IL1RAP: variants seen among roughly 807,000 people sequenced by gnomAD.
IL1RAP encodes the protein interleukin 1 receptor accessory protein, also known as interleukin-1 receptor accessory protein.
A neutral mutation model predicts 60.7 loss-of-function variants in IL1RAP; 35 were observed. That is an observed-to-expected ratio of 0.58 (90% CI 0.44 to 0.76). IL1RAP has a LOEUF of 0.76. IL1RAP is among the 30% of genes least tolerant of loss of function. IL1RAP has a pLI of 0.00. For synonymous variants in IL1RAP, 268 were observed against 250.9 expected (o/e 1.07, Z -0.64); for missense variants, 572 against 693.9 (o/e 0.82, Z 1.97).
downstream of IL1RAP, chr3:190,655,850 T>A (rs1734601641): frequency 1.4e-6 from 2 of 1,442,788 alleles, no homozygotes; most frequent in African/African-American, 1.4e-5. Context: ...ATATGTAAGT[T>A]TTCACTATAC....
At chr3:190,655,762 TTCAGCAC>T, downstream of IL1RAP, 1 of 700,130 alleles carries the variant, frequency 1.4e-6, no homozygotes, top group Non-Finnish European at 2.3e-6. Context: ...GGGTAAATTA[TTCAGCAC>T]TGAGATTCTG....
intron 1 of IL1RAP, among the ~76,000 whole-genome samples, chr3:190,524,188 A>G (rs1228814865): frequency 6.6e-6 from 1 of 151,850 alleles, no homozygotes; most frequent in Non-Finnish European, 1.5e-5. Flanking sequence ...TCCTTTGCTC[A>G]TTTTTTCTAA....
chr3:190,598,827 A>G (rs1341977540), intron 3 of IL1RAP, among the ~76,000 whole-genome samples: 1 of 152,008 alleles, frequency 6.6e-6, no homozygotes, highest in Non-Finnish European at 1.5e-5. Context: ...TATCCCTTCT[A>G]CCCATTCTTC....
chr3:190,573,710 GC>G (rs1463838165), intron 3 of IL1RAP, among the ~76,000 whole-genome samples: 2 of 152,136 alleles, frequency 1.3e-5, no homozygotes, highest in Non-Finnish European at 2.9e-5. Context: ...TAGCCATGAA[GC>G]ATTTTACAGT....
intron 1 of IL1RAP, among the ~76,000 whole-genome samples, chr3:190,553,221 C>G (rs950822431): frequency 1.1e-4 from 17 of 152,170 alleles, no homozygotes; most frequent in Admixed American, 9.8e-4. Context: ...ACAGACCATA[C>G]AGAAAGACTG....
intron 3 of IL1RAP, among the ~76,000 whole-genome samples, chr3:190,577,420 T>C (rs1727589648): frequency 6.6e-6 from 1 of 152,200 alleles, no homozygotes; most frequent in Admixed American, 6.5e-5. Flanking sequence ...TAAGAGTTTT[T>C]ACCACATGAA....
At chr3:190,637,862 T>C (rs13071108) in intron 9 of IL1RAP, among the ~76,000 whole-genome samples, 42,507 of 151,792 alleles carry the variant, frequency 0.28, 6,138 homozygotes, top group African/African-American at 0.3. Context: ...TAGAACTCTG[T>C]GTATGTGGAC....
At position 190,549,156 on chromosome 3, in the gene IL1RAP, C is replaced by T. The variant is rs368555273; in HGVS notation, c.-88-6974C>T. ...GCAAGAGTCCTGTTAGGAGGCTTCCCGCCTCACAGATTGAACCCCTGGTTC... is the reference window on the plus strand; with the variant it reads ...GCAAGAGTCCTGTTAGGAGGCTTCCTGCCTCACAGATTGAACCCCTGGTTC... On this transcript the variant is annotated intron_variant, in intron 1 of 11. Coordinates refer to ENST00000447382, the MANE Select transcript of IL1RAP (RefSeq NM_002182.4). Among the ~76,000 whole-genome samples the T allele has an allele frequency of 1.1e-4, 16 of 152,074 alleles. No homozygotes were observed. The East Asian group carries it at 2.5e-3, about 24-fold the overall frequency.
chr3:190,601,173 T>C (rs1024057258), intron 3 of IL1RAP, among the ~76,000 whole-genome samples: 1 of 152,046 alleles, frequency 6.6e-6, no homozygotes, highest in Non-Finnish European at 1.5e-5. Context: ...TTAGTAGAGA[T>C]GGAGTTTCGC....
intron 3 of IL1RAP, among the ~76,000 whole-genome samples, chr3:190,565,635 A>G (rs1726317756): frequency 6.6e-6 from 1 of 152,202 alleles, no homozygotes; most frequent in Admixed American, 6.5e-5. Context: ...GAATGGCTGT[A>G]GATAACCGGA....
intron 3 of IL1RAP, among the ~76,000 whole-genome samples, chr3:190,592,676 G>A (rs1729046699): frequency 6.6e-6 from 1 of 152,148 alleles, no homozygotes; most frequent in Admixed American, 6.5e-5. Flanking sequence ...ACTGCTCGGA[G>A]GTGCTAAAAT....
At position 190,574,906 on chromosome 3, in the gene IL1RAP, G is replaced by T. The variant is rs373343443; in HGVS notation, c.64+10553G>T. On this transcript the variant is annotated intron_variant, in intron 3 of 11. Coordinates refer to ENST00000447382, the MANE Select transcript of IL1RAP (RefSeq NM_002182.4). Reference sequence around the variant, plus strand: ...TTAACCAATCCATATTCATACACAGGTAAGCTATTCCACTTACTGCAAACT... The same window carrying T: ...TTAACCAATCCATATTCATACACAGTTAAGCTATTCCACTTACTGCAAACT... Among the ~76,000 whole-genome samples, 4 of 152,246 alleles carry T rather than the reference G, an allele frequency of 2.6e-5. No homozygotes were observed. The East Asian group carries it at 7.7e-4, about 29-fold the overall frequency.
chr3:190,578,706 A>C (rs1410792878), intron 3 of IL1RAP, among the ~76,000 whole-genome samples: 1 of 152,210 alleles, frequency 6.6e-6, no homozygotes, highest in Non-Finnish European at 1.5e-5. Context: ...GGTCATTTAT[A>C]AAGCAAGAGA....
At chr3:190,604,455 T>C in intron 4 of IL1RAP, 42 bp downstream of exon 4, 1 of 1,587,026 alleles carries the variant, frequency 6.3e-7, no homozygotes, top group South Asian at 1.1e-5. Flanking sequence ...TTCCCTTTAG[T>C]TTCTGGGCTC....
chr3:190,544,470 T>C (rs369778568), intron 1 of IL1RAP, among the ~76,000 whole-genome samples: 3 of 152,162 alleles, frequency 2.0e-5, no homozygotes, highest in African/African-American at 7.2e-5. Context: ...AATTAGAAAA[T>C]TGATTTGAAT....
chr3:190,532,817 C>T (rs1445263780), intron 1 of IL1RAP, among the ~76,000 whole-genome samples: 1 of 152,206 alleles, frequency 6.6e-6, no homozygotes, highest in Non-Finnish European at 1.5e-5. Flanking sequence ...TCCCTAGAAG[C>T]TCAGCTTGGA....
chr3:190,653,914 G>T (rs1210972428), downstream of IL1RAP, among the ~76,000 whole-genome samples: 1 of 152,028 alleles, frequency 6.6e-6, no homozygotes, highest in Admixed American at 6.6e-5. Flanking sequence ...AGATCCTTCG[G>T]TATAGCCCAG....
At chr3:190,613,580 A>C (rs1731006539) in intron 5 of IL1RAP, among the ~76,000 whole-genome samples, 1 of 152,202 alleles carries the variant, frequency 6.6e-6, no homozygotes, top group South Asian at 2.1e-4. Flanking sequence ...TCACAGCTGT[A>C]AAACAATTAC....
intron 1 of IL1RAP, among the ~76,000 whole-genome samples, chr3:190,515,617 A>G (rs1183943517): frequency 6.6e-6 from 1 of 151,760 alleles, no homozygotes; most frequent in East Asian, 1.9e-4. Flanking sequence ...TGAATTTCCT[A>G]CTAGTTTTTA....
Sources: allele counts gnomAD v4.1 joint callset (sites outside exome capture counted in the v4.1 genomes callset), GRCh38; gene constraint gnomAD v4.1.1; transcripts MANE v1.5; gene names NCBI Gene and HGNC (gene_info 2026-07-23, HGNC 2026-07-21).